DIS3L: variants seen among roughly 807,000 people sequenced by gnomAD.
The protein encoded by DIS3L is DIS3-like exonuclease 1.
A neutral mutation model predicts 120.3 loss-of-function variants in DIS3L; 100 were observed. The observed-to-expected ratio is 0.83, with a 90% CI of 0.71 to 0.98. The LOEUF is 0.98. DIS3L is among the 50% of genes least tolerant of loss of function. The pLI is 0.00. For missense variants in DIS3L, 1,196 were observed against 1,314.2 expected, an observed-to-expected ratio of 0.91 and a Z score of 1.39; for synonymous variants, 426 against 470.6, an observed-to-expected ratio of 0.91 and a Z score of 1.23.
At chr15:66,307,338 C>G (rs1595726926) in intron 3 of DIS3L, among the ~76,000 whole-genome samples, 1 of 151,268 alleles carries the variant, frequency 6.6e-6, no homozygotes, top group Non-Finnish European at 1.5e-5. Flanking sequence ...GCTCTGTCAC[C>G]CAGGCTGGAG....
intron 15 of DIS3L, among the ~76,000 whole-genome samples, chr15:66,332,486 G>GTGTGTGTA (rs1491239496): frequency 3.3e-4 from 8 of 23,934 alleles, no homozygotes; most frequent in African/African-American, 1.0e-3. Flanking sequence ...GAAGACTGGA[G>GTGTGTGTA]TGTGTGTGTG....
At chr15:66,330,087 G>A in intron 14 of DIS3L, 1 of 977,154 alleles carries the variant, frequency 1.0e-6, no homozygotes, top group Non-Finnish European at 1.2e-6. Flanking sequence ...TGGATCACGA[G>A]GTCAGGAGAT....
intron 5 of DIS3L, among the ~76,000 whole-genome samples, chr15:66,313,239 C>T (rs1186855518): frequency 6.6e-6 from 1 of 151,892 alleles, no homozygotes; most frequent in Non-Finnish European, 1.5e-5. Flanking sequence ...CGTGATCCAC[C>T]CACCTCAGCC....
intron 5 of DIS3L, among the ~76,000 whole-genome samples, chr15:66,313,028 G>A (rs906512367): frequency 5.3e-5 from 8 of 151,482 alleles, no homozygotes; most frequent in African/African-American, 9.7e-5. Context: ...ACCCAGTCTC[G>A]TTCTATCACC....
At chr15:66,321,205 T>C (rs74497295) in intron 9 of DIS3L, among the ~76,000 whole-genome samples, 6,778 of 152,282 alleles carry the variant, frequency 0.045, 372 homozygotes, top group African/African-American at 0.12. Context: ...AACAAAAATC[T>C]CATAAACATA....
At chr15:66,332,043 G>A in intron 15 of DIS3L, 23 bp downstream of exon 15, 2 of 1,583,866 alleles carry the variant, frequency 1.3e-6, no homozygotes, top group Non-Finnish European at 1.7e-6. Context: ...TAATGCAATG[G>A]TGCATAAGAA....
chr15:66,294,562 C>T, intron 1 of DIS3L: 1 of 986,902 alleles, frequency 1.0e-6, no homozygotes, highest in Non-Finnish European at 1.2e-6. Context: ...TCTTTCTGGC[C>T]CTTGGAGGCT....
intron 2 of DIS3L, among the ~76,000 whole-genome samples, chr15:66,300,052 AAAAAT>A (rs1330838299): frequency 6.6e-6 from 1 of 152,182 alleles, no homozygotes; most frequent in African/African-American, 2.4e-5. Context: ...CTCCATCTCC[AAAAAT>A]AAATAAATAA....
intron 9 of DIS3L, 95 bp from the exon 10 acceptor site, chr15:66,322,592 T>A: frequency 6.5e-7 from 1 of 1,534,936 alleles, no homozygotes; most frequent in Non-Finnish European, 8.8e-7. Context: ...TGAGAATGAA[T>A]GAATTTCTAT....
In DIS3L at chr15:66,312,419, ATTC is replaced by A. The variant is rs377286832; in HGVS notation, c.735+521_735+523del. ...AAGCTACTCTGCGATGATGTCCTTA[ATTC>A]TGTTACATATTGAACATCATACAAG... On this transcript the variant is annotated intron_variant, in intron 5 of 16. Transcript: ENST00000319212. 9.2e-5 allele frequency among the ~76,000 whole-genome samples: 14 copies of A among 152,242 alleles called. No individual in the cohort carries two copies. The East Asian group carries it at 1.9e-3, about 21-fold the overall frequency.
At chr15:66,331,047 C>T (rs920641875) in intron 14 of DIS3L, among the ~76,000 whole-genome samples, 95 of 151,958 alleles carry the variant, frequency 6.3e-4, no homozygotes, top group African/African-American at 2.0e-3. Flanking sequence ...CCCAGCTAAT[C>T]GGGCGGCTGA....
chr15:66,306,070 C>G (rs2092699663), intron 2 of DIS3L, among the ~76,000 whole-genome samples: 1 of 152,094 alleles, frequency 6.6e-6, no homozygotes, highest in Admixed American at 6.5e-5. Flanking sequence ...CCTTGACTTC[C>G]CAAGCTCAAG....
intron 9 of DIS3L, 90 bp downstream of exon 9, chr15:66,320,822 G>A (rs1360824691): frequency 1.1e-5 from 17 of 1,481,358 alleles, no homozygotes; most frequent in Middle Eastern, 1.8e-4. Flanking sequence ...TCTTTGTGCT[G>A]TGGAACAACC....
At chr15:66,321,439 G>A (rs2092882077) in intron 9 of DIS3L, among the ~76,000 whole-genome samples, 1 of 151,916 alleles carries the variant, frequency 6.6e-6, no homozygotes, top group Non-Finnish European at 1.5e-5. Context: ...CTTGATTTTT[G>A]GGCATTCAGC....
In DIS3L at chr15:66,323,568, T is replaced by C; in HGVS notation, c.1650T>C (p.Leu550=). Residue 550 remains leucine (L), a synonymous_variant, in exon 11 of 17, where the codon CTT becomes CTC. Coordinates refer to ENST00000319212, the MANE Select transcript of DIS3L (RefSeq NM_001143688.3). ...TCCTCAGTGCAGATTTGTGTTCCCT[T>C]CTGGGAGGCGTTGATAGGTGAGTTT... The part of the protein sequence containing the change: ...PSVLSADLCS[L]LGGVDRYAVS... 1 of 1,614,264 alleles carries C rather than the reference T, an allele frequency of 6.2e-7. No homozygotes were observed. Among genetic ancestry groups the C allele is most frequent in the Non-Finnish European group, 8.5e-7 (1 of 1,180,048 alleles).
chr15:66,311,876 G>A lies in DIS3L; in HGVS notation c.711G>A (p.Gly237=). 6.2e-7 allele frequency: 1 copy of A among 1,614,090 alleles called. No individual in the cohort carries two copies. The highest frequency in any genetic ancestry group is 8.5e-7 in the Non-Finnish European group (1 of 1,179,970). ...TTCCCCTGGAAGTGTTAGAAGCTGG[G>A]ATTAAATCTGGACGCTATATCCAGG... is the stretch of plus-strand genomic sequence containing the variant. The part of the protein sequence containing the change: ...EHLPLEVLEA[G]IKSGRYIQGI... The change falls in exon 5 of 17, where the codon GGG becomes GGA. Residue 237 remains glycine (G), a synonymous_variant. Transcript: ENST00000319212.
At chr15:66,299,846 A>G (rs946259941) in intron 2 of DIS3L, among the ~76,000 whole-genome samples, 4 of 152,118 alleles carry the variant, frequency 2.6e-5, no homozygotes, top group Admixed American at 2.6e-4. Flanking sequence ...GCCTGACCTC[A>G]GGAGTTCCAG....
chr15:66,328,676 C>T (rs2092964023), intron 12 of DIS3L, among the ~76,000 whole-genome samples: 1 of 152,188 alleles, frequency 6.6e-6, no homozygotes, highest in Non-Finnish European at 1.5e-5. Context: ...GAATTCAATT[C>T]AACGAGTATT....
rs34711611 is a variant in DIS3L at position 66,304,089 on chromosome 15, CAAA to C, written c.294-2714_294-2712del. On this transcript the variant is annotated intron_variant, in intron 2 of 16. Transcript: ENST00000319212. ...TGGGCAACAGAGTGAGACTCTGTTT[CAAA>C]AAAAAAAAAAAAAAAAAAAACAATA... Among the ~76,000 whole-genome samples the C allele has an allele frequency of 1.0e-3, 76 of 72,628 alleles. No individual in the cohort carries two copies. The East Asian group carries it at 0.013, about 12-fold the overall frequency. 47.6% of individuals were successfully genotyped at this position (72,628 alleles called of 152,430 possible).
Sources: gnomAD v4.1 joint callset for allele counts (sites outside exome capture counted in the v4.1 genomes callset) on GRCh38, gnomAD v4.1.1 for gene constraint, MANE v1.5 for transcripts, NCBI Gene and HGNC (gene_info 2026-07-23, HGNC 2026-07-21) for gene names.